The following RARB variants were observed in gnomAD, a reference collection of about 807,000 sequenced individuals.
The protein encoded by RARB is HBV-activated protein.
Under a neutral mutation model 51.9 loss-of-function variants are expected in RARB, and 17 were observed. The observed-to-expected ratio is 0.33, with a 90% CI of 0.22 to 0.49. The LOEUF is 0.49. Ranked by LOEUF, RARB falls within the 20% of genes least tolerant of loss-of-function variation. RARB has a pLI of 0.99. For synonymous variants in RARB, 215 were observed against 195.4 expected, an observed-to-expected ratio of 1.10 and a Z score of -0.84; for missense variants, 369 against 550.8, an observed-to-expected ratio of 0.67 and a Z score of 3.30.
chr3:25,269,025 C>G (rs1040498144), intron 5 of RARB, among the ~76,000 whole-genome samples: 2 of 152,136 alleles, frequency 1.3e-5, no homozygotes, highest in South Asian at 2.1e-4. Context: ...TATAAATATT[C>G]TCTTCCAATA....
intron 5 of RARB, among the ~76,000 whole-genome samples, chr3:25,358,240 C>T (rs921076616): frequency 2.0e-5 from 3 of 152,116 alleles, no homozygotes; most frequent in Non-Finnish European, 4.4e-5. Context: ...CTCTTTGTAG[C>T]AATTATGAAT....
At chr3:24,905,660 A>G (rs1694847706) in intron 2 of RARB, among the ~76,000 whole-genome samples, 2 of 152,226 alleles carry the variant, frequency 1.3e-5, no homozygotes, top group South Asian at 4.1e-4. Context: ...ACCTGCTTAA[A>G]GAAGCCTGGA....
chr3:24,901,800 T>G (rs1298401463), intron 2 of RARB, among the ~76,000 whole-genome samples: 1 of 152,120 alleles, frequency 6.6e-6, no homozygotes. Flanking sequence ...AATAGCAGTT[T>G]TAAGATGTAC....
rs116699569 is a variant in RARB at position 25,128,107 on chromosome 3, G to C, written c.-327-4054G>C. On this transcript the variant is annotated intron_variant, in intron 3 of 11. Transcript: ENST00000383772. Reference sequence around the variant, plus strand: ...AGAATAAAGTACTCTGGTTCACTGGGGTATTTAATTCCTGCTTTTCTTAGG... The same window carrying C: ...AGAATAAAGTACTCTGGTTCACTGGCGTATTTAATTCCTGCTTTTCTTAGG... 3.3e-5 allele frequency among the ~76,000 whole-genome samples: 5 copies of C among 152,060 alleles called. No homozygotes were observed. In the South Asian group the frequency reaches 6.2e-4, roughly 19 times the overall value.
chr3:25,278,545 G>A (rs1703448520), intron 5 of RARB, among the ~76,000 whole-genome samples: 1 of 152,184 alleles, frequency 6.6e-6, no homozygotes, highest in South Asian at 2.1e-4. Flanking sequence ...ATCTATGGAT[G>A]TGTAGATTTT....
At chr3:25,148,049 G>C (rs778926698) in intron 4 of RARB, among the ~76,000 whole-genome samples, 1 of 152,202 alleles carries the variant, frequency 6.6e-6, no homozygotes, top group Non-Finnish European at 1.5e-5. Context: ...CTGTTTATGT[G>C]ATCTAGTCAA....
chr3:25,082,990 C>A (rs908895542), intron 3 of RARB, among the ~76,000 whole-genome samples: 1 of 151,946 alleles, frequency 6.6e-6, no homozygotes, highest in Admixed American at 6.6e-5. Context: ...TAGAGATGTT[C>A]TTATATTGCC....
At chr3:25,319,901 GA>G (rs1354874283) in intron 5 of RARB, among the ~76,000 whole-genome samples, 1 of 152,042 alleles carries the variant, frequency 6.6e-6, no homozygotes. Context: ...CTATTCATGA[GA>G]AAAAGTAACT....
At chr3:25,543,358 G>A (rs1174751227) in intron 3 of RARB, among the ~76,000 whole-genome samples, 1 of 152,060 alleles carries the variant, frequency 6.6e-6, no homozygotes, top group Non-Finnish European at 1.5e-5. Context: ...AAGGCACCTC[G>A]CTCCCCCCAA....
In RARB at chr3:25,412,533, C is replaced by T. The variant is rs1707589621; in HGVS notation, c.179-48660C>T. On this transcript the variant is annotated intron_variant, in intron 5 of 11. Coordinates refer to the RARB transcript ENST00000383772. The stretch of plus-strand genomic sequence containing the variant: ...CAGAGTAGTTGTTCTCCAACTTTCT[C>T]AGTTATGGGAACAATTGAGAGTTTG... Among the ~76,000 whole-genome samples the T allele has an allele frequency of 2.6e-5, 4 of 152,258 alleles. No individual in the cohort carries two copies. The South Asian group carries it at 8.3e-4, about 32-fold the overall frequency.
At chr3:24,952,618 G>C (rs958525380) in intron 2 of RARB, among the ~76,000 whole-genome samples, 8 of 152,090 alleles carry the variant, frequency 5.3e-5, no homozygotes, top group Non-Finnish European at 1.2e-4. Flanking sequence ...AGCTTGGTGC[G>C]TGGCACAGCA....
intron 2 of RARB, among the ~76,000 whole-genome samples, chr3:25,053,646 C>G (rs946329330): frequency 1.3e-5 from 2 of 152,144 alleles, no homozygotes; most frequent in African/African-American, 2.4e-5. Flanking sequence ...AAAGAACACT[C>G]AGGCCAATAA....
intron 2 of RARB, among the ~76,000 whole-genome samples, chr3:25,483,715 T>A (rs1481462519): frequency 1.3e-5 from 2 of 152,112 alleles, no homozygotes; most frequent in African/African-American, 4.8e-5. Context: ...GAGTAAAACT[T>A]CTGGGTGCAT....
chr3:24,886,804 G>T (rs1449902194), intron 2 of RARB, among the ~76,000 whole-genome samples: 1 of 152,064 alleles, frequency 6.6e-6, no homozygotes, highest in Non-Finnish European at 1.5e-5. Context: ...ATCTGTAAAG[G>T]CAGTAATGTA....
At chr3:25,490,934 G>A (rs11916491) in intron 2 of RARB, among the ~76,000 whole-genome samples, 32,062 of 151,986 alleles carry the variant, frequency 0.21, 3,767 homozygotes, top group African/African-American at 0.32. Flanking sequence ...CATTTTAGAG[G>A]CTTCGTTTCC....
chr3:24,866,808 AG>A (rs1702856776), intron 2 of RARB, among the ~76,000 whole-genome samples: 1 of 152,168 alleles, frequency 6.6e-6, no homozygotes, highest in Admixed American at 6.6e-5. Flanking sequence ...AGCTGGTTAA[AG>A]GGGAGAGCAG....
At chr3:24,966,464 T>G (rs963035337) in intron 2 of RARB, among the ~76,000 whole-genome samples, 1 of 152,216 alleles carries the variant, frequency 6.6e-6, no homozygotes, top group Non-Finnish European at 1.5e-5. Flanking sequence ...GAACCAACCC[T>G]TCTCTCTTAT....
rs759630777 is a variant in RARB at position 25,461,177 on chromosome 3, C to G, written c.158-16C>G. On this transcript the variant is annotated splice_polypyrimidine_tract_variant and intron_variant, in intron 1 of 7. Transcript: ENST00000330688. ...CATTTTCTCTTTTTTCTCCCTCTAC[C>G]CCATCTCTATTATAGCAATTGAAAC... 6.4e-7 allele frequency: 1 copy of G among 1,557,574 alleles called. No individual in the cohort carries two copies. Among genetic ancestry groups the G allele is most frequent in the Non-Finnish European group, 8.7e-7 (1 of 1,152,892 alleles).
At chr3:25,288,168 T>C (rs1703701756) in intron 5 of RARB, among the ~76,000 whole-genome samples, 1 of 152,168 alleles carries the variant, frequency 6.6e-6, no homozygotes, top group African/African-American at 2.4e-5. Flanking sequence ...CAGGGAATTG[T>C]CCAGGGTAGG....
Sources: allele counts gnomAD v4.1 joint callset (sites outside exome capture counted in the v4.1 genomes callset), GRCh38; gene constraint gnomAD v4.1.1; transcripts MANE v1.5; gene names NCBI Gene and HGNC (gene_info 2026-07-23, HGNC 2026-07-21).